SLC4A4: variants seen among roughly 807,000 people sequenced by gnomAD.
The protein encoded by SLC4A4 is solute carrier family 4 member 4, also known as electrogenic sodium bicarbonate cotransporter 1.
In SLC4A4, 27 loss-of-function variants were observed where a neutral mutation model predicts 111.5. The ratio of observed to expected loss-of-function variants is 0.24; its 90% CI spans 0.18 to 0.33. The LOEUF is 0.33. Among genes scored for constraint, SLC4A4 ranks in the 10% least tolerant of loss-of-function variants. The pLI, the probability that SLC4A4 is intolerant of heterozygous loss-of-function variation, is 1.00. For missense variants in SLC4A4, 909 were observed against 1,315.5 expected, an observed-to-expected ratio of 0.69 and a Z score of 4.78; for synonymous variants, 443 against 463.4, an observed-to-expected ratio of 0.96 and a Z score of 0.57.
intron 16 of SLC4A4, among the ~76,000 whole-genome samples, chr4:71,528,402 AT>A (rs1256209832): frequency 6.6e-6 from 1 of 152,090 alleles, no homozygotes; most frequent in Non-Finnish European, 1.5e-5. Flanking sequence ...AGATTTGACA[AT>A]TTTATATTCT....
chr4:71,280,537 C>T (rs1348541763), intron 3 of SLC4A4, among the ~76,000 whole-genome samples: 1 of 152,066 alleles, frequency 6.6e-6, no homozygotes, highest in Non-Finnish European at 1.5e-5. Context: ...TTAGATTTGT[C>T]TTTAAACTAT....
At chr4:71,208,867 A>G (rs190270342) in intron 1 of SLC4A4, among the ~76,000 whole-genome samples, 8 of 152,260 alleles carry the variant, frequency 5.3e-5, no homozygotes, top group Admixed American at 5.2e-4. Context: ...CTTGAGTGTA[A>G]TTCTTGAGCC....
In SLC4A4 at chr4:71,518,042, G is replaced by A. The variant is rs2167918; in HGVS notation, c.2167-14020G>A. Among the ~76,000 whole-genome samples the A allele has an allele frequency of 1.4e-3, 220 of 152,310 alleles. 1 individual carries two copies. The highest frequency in any genetic ancestry group is 4.8e-3 in the African/African-American group (200 of 41,574). ...CTTCCTGGCTTCAGGATGTAGTGGGGTGGGTGTGGACCCTGTGTCTACTAG... is the reference window on the plus strand; with the variant it reads ...CTTCCTGGCTTCAGGATGTAGTGGGATGGGTGTGGACCCTGTGTCTACTAG... On this transcript the variant is annotated intron_variant, in intron 16 of 25. Coordinates refer to ENST00000264485, the MANE Select transcript of SLC4A4 (RefSeq NM_001098484.3).
chr4:71,393,365 C>T (rs536459445), intron 6 of SLC4A4, among the ~76,000 whole-genome samples: 4 of 152,134 alleles, frequency 2.6e-5, no homozygotes, highest in Non-Finnish European at 2.9e-5. Context: ...CTTCTGTACA[C>T]CAACAGCGAC....
chr4:71,077,548 G>A (rs1270165935), intron 1 of SLC4A4, among the ~76,000 whole-genome samples: 1 of 152,164 alleles, frequency 6.6e-6, no homozygotes, highest in East Asian at 1.9e-4. Flanking sequence ...ACCCAAAGAA[G>A]ATATTTATTC....
intron 1 of SLC4A4, among the ~76,000 whole-genome samples, chr4:71,231,631 A>G (rs1223365326): frequency 1.3e-5 from 2 of 152,132 alleles, no homozygotes; most frequent in Non-Finnish European, 2.9e-5. Flanking sequence ...GACTGGTGTG[A>G]CCCTTATCCC....
chr4:71,090,959 C>A (rs985210748), intron 1 of SLC4A4, among the ~76,000 whole-genome samples: 1 of 151,948 alleles, frequency 6.6e-6, no homozygotes, highest in African/African-American at 2.4e-5. Flanking sequence ...TTTTTCTTTT[C>A]TTTTTTTTGA....
At chr4:71,426,932 C>T (rs1283010244) in intron 7 of SLC4A4, among the ~76,000 whole-genome samples, 1 of 151,882 alleles carries the variant, frequency 6.6e-6, no homozygotes, top group African/African-American at 2.4e-5. Flanking sequence ...TTAAGTATTC[C>T]CCACCAAGGG....
intron 16 of SLC4A4, among the ~76,000 whole-genome samples, chr4:71,507,389 G>A (rs115786684): frequency 0.027 from 4,120 of 152,224 alleles, 114 homozygotes; most frequent in Middle Eastern, 0.051. Context: ...AAAATAAAAG[G>A]ATGGAGGAAA....
intron 1 of SLC4A4, among the ~76,000 whole-genome samples, 176 bp downstream of exon 1, chr4:71,187,577 C>A (rs1236302266): frequency 6.6e-6 from 1 of 152,104 alleles, no homozygotes; most frequent in Non-Finnish European, 1.5e-5. Context: ...TGGGCGCGGG[C>A]GGTGTGTGGA....
At chr4:71,204,795 T>C (rs1717649675) in intron 1 of SLC4A4, among the ~76,000 whole-genome samples, 1 of 152,196 alleles carries the variant, frequency 6.6e-6, no homozygotes, top group South Asian at 2.1e-4. Context: ...ATAATGAATA[T>C]AGACCATGTA....
chr4:71,070,980 A>G (rs79418946), intron 1 of SLC4A4, among the ~76,000 whole-genome samples: 20 of 152,304 alleles, frequency 1.3e-4, no homozygotes, highest in African/African-American at 4.6e-4. Context: ...TTTAAAAATA[A>G]GTTGTCTTGG....
At chr4:71,508,356 A>G (rs897369616) in intron 16 of SLC4A4, among the ~76,000 whole-genome samples, 1 of 152,132 alleles carries the variant, frequency 6.6e-6, no homozygotes, top group African/African-American at 2.4e-5. Context: ...AATAAAGAAG[A>G]TAAGAGAGAA....
chr4:71,437,090 G>T, intron 7 of SLC4A4: 3 of 435,526 alleles, frequency 6.9e-6, no homozygotes, highest in South Asian at 1.8e-5. Flanking sequence ...ACTTCTTTGT[G>T]GACTTTTTCC....
chr4:71,070,057 G>A (rs543729268), intron 1 of SLC4A4, among the ~76,000 whole-genome samples: 3 of 152,082 alleles, frequency 2.0e-5, no homozygotes, highest in Non-Finnish European at 4.4e-5. Flanking sequence ...TCATTTATTT[G>A]TTTTATATGT....
chr4:71,315,448 C>G (rs1342751077), intron 3 of SLC4A4, among the ~76,000 whole-genome samples: 1 of 152,078 alleles, frequency 6.6e-6, no homozygotes, highest in South Asian at 2.1e-4. Context: ...TGAAAGGATG[C>G]AAAAGAGTTG....
intron 2 of SLC4A4, among the ~76,000 whole-genome samples, chr4:71,096,156 C>T (rs1430622492): frequency 6.6e-6 from 1 of 151,912 alleles, no homozygotes; most frequent in Non-Finnish European, 1.5e-5. Context: ...GGGAAGTATG[C>T]CTCTGGAAAT....
At chr4:71,522,653 C>G (rs924474836) in intron 16 of SLC4A4, among the ~76,000 whole-genome samples, 1 of 152,140 alleles carries the variant, frequency 6.6e-6, no homozygotes, top group African/African-American at 2.4e-5. Flanking sequence ...TAAGGAACTT[C>G]TTGATTTTCT....
intron 1 of SLC4A4, among the ~76,000 whole-genome samples, chr4:71,229,888 G>A (rs755649509): frequency 1.4e-5 from 2 of 147,654 alleles, no homozygotes; most frequent in Non-Finnish European, 3.0e-5. Context: ...TTGCCCTTTG[G>A]TTCCCTGTAG....
Sources: gnomAD v4.1 joint callset for allele counts (sites outside exome capture counted in the v4.1 genomes callset) on GRCh38, gnomAD v4.1.1 for gene constraint, MANE v1.5 for transcripts, NCBI Gene and HGNC (gene_info 2026-07-23, HGNC 2026-07-21) for gene names.